The following UGT1A1 variants were observed in gnomAD, a reference collection of about 807,000 sequenced individuals.
UGT1A1 encodes UDP-glucuronosyltransferase 1A1.
Under a neutral mutation model 40.6 loss-of-function variants are expected in UGT1A1, and 33 were observed. The ratio of observed to expected loss-of-function variants is 0.81; its 90% CI spans 0.62 to 1.09. UGT1A1 has a LOEUF of 1.09. Ranked by LOEUF, UGT1A1 falls within the 50% of genes least tolerant of loss-of-function variation. UGT1A1 has a pLI of 0.00. For missense variants in UGT1A1, 694 were observed against 671.2 expected (o/e 1.03, Z -0.38); for synonymous variants, 249 against 265.0 (o/e 0.94, Z 0.59).
Position 233,772,033 on chromosome 2 carries a change from A to C in UGT1A1, c.1305-229A>C, listed in dbSNP as rs33979061. Among the ~76,000 whole-genome samples, 33,182 of 152,170 alleles carry C rather than the reference A, an allele frequency of 0.22. 4,506 individuals carry two copies. Among genetic ancestry groups the C allele is most frequent in the South Asian group, 0.32 (1,549 of 4,822 alleles). On this transcript the variant is annotated intron_variant, in intron 4 of 4. Coordinates refer to ENST00000305208, the MANE Select transcript of UGT1A1 (RefSeq NM_000463.3). ...GAGGCTGAGGCAGGAGGATGGCTTG[A>C]GCCCAGGAGTTGGAGGCTGCAGTTA...
rs267599273 is a variant in UGT1A1, at chr2:233,767,927, G to A, written c.1075G>A (p.Asp359Asn). ...TILVKWLPQN[D>N]LLGHPMTRAF... ...ACTTGTTAAGTGGCTACCCCAAAACGATCTGCTTGGTATGTTGGGCGGATT... is the reference window on the plus strand; with the variant it reads ...ACTTGTTAAGTGGCTACCCCAAAACAATCTGCTTGGTATGTTGGGCGGATT... The change falls in exon 3 of 5, where the codon GAT becomes AAT. Residue 359 changes from aspartate to asparagine, a missense_variant. By Grantham distance (23) the Asp-to-Asn change is conservative (BLOSUM62 1). Coordinates refer to ENST00000305208, the MANE Select transcript of UGT1A1 (RefSeq NM_000463.3). 45 of 1,614,054 alleles carry A rather than the reference G, an allele frequency of 2.8e-5. 1 individual carries two copies. The highest frequency in any genetic ancestry group is 2.2e-4 in the South Asian group (20 of 91,078).
Position 233,760,452 on chromosome 2 carries a change from T to A in UGT1A1, c.165T>A (p.His55Gln), listed in dbSNP as rs1697451536. The A allele has an allele frequency of 6.2e-7, 1 of 1,614,194 alleles. No homozygotes were observed. Among genetic ancestry groups the A allele is most frequent in the Non-Finnish European group, 8.5e-7 (1 of 1,180,038 alleles). Residue 55 changes from histidine to glutamine, a missense_variant, in exon 1 of 5, where the codon CAT becomes CAA. Transcript: ENST00000305208. The stretch of plus-strand genomic sequence containing the variant: ...TCCAGCAGCTGCAGCAGAGGGGACA[T>A]GAAATAGTTGTCCTAGCACCTGACG... ...GAIQQLQQRG[H>Q]EIVVLAPDAS...
At position 233,764,542 on chromosome 2, in the gene UGT1A1, C is replaced by T. The variant is rs34078324; in HGVS notation, c.865-2492C>T. ...CACATCCTGCTGATTGCTGAGTGGGCGTGTGGGAGGGTGTGCCTGGAGGAG... is the reference window on the plus strand; with the variant it reads ...CACATCCTGCTGATTGCTGAGTGGGTGTGTGGGAGGGTGTGCCTGGAGGAG... On this transcript the variant is annotated intron_variant, in intron 1 of 4. Transcript: ENST00000305208. Among the ~76,000 whole-genome samples, 1,361 of 152,150 alleles carry T rather than the reference C, an allele frequency of 8.9e-3. 20 individuals carry two copies. The highest frequency in any genetic ancestry group is 0.032 in the African/African-American group (1,309 of 41,498).
Position 233,769,437 on chromosome 2 carries a change from G to T in UGT1A1, c.1304+998G>T. On this transcript the variant is annotated intron_variant, in intron 4 of 4. Transcript: ENST00000305208. The surrounding 1 kb of genome is among the most constrained non-coding windows in gnomAD (Gnocchi z 4.4). ...TTTGTGCATGTGGCTGTGCTCATGT[G>T]TGGGTGCACACGTGTGCATTCATAT... 1 of 1,560,038 alleles carries T rather than the reference G, an allele frequency of 6.4e-7. No homozygotes were observed. Among genetic ancestry groups the T allele is most frequent in the Non-Finnish European group, 8.8e-7 (1 of 1,136,330 alleles).
Position 233,772,595 on chromosome 2 carries a change from T to C in UGT1A1, c.*36T>C. On this transcript the variant is annotated 3_prime_UTR_variant, in exon 5 of 5. Transcript: ENST00000305208. ...GGAAATAAGGTAAAATTTTGAACCA[T>C]TCCCTAGTCATTTCCAAACTTGAAA... 1 of 1,596,790 alleles carries C rather than the reference T, an allele frequency of 6.3e-7. No homozygotes were observed. Among genetic ancestry groups the C allele is most frequent in the Non-Finnish European group, 8.5e-7 (1 of 1,170,806 alleles).
At position 233,768,743 on chromosome 2, in the gene UGT1A1, C is replaced by T. The variant is rs540797215; in HGVS notation, c.1304+304C>T. Among the ~76,000 whole-genome samples the T allele has an allele frequency of 5.3e-5, 8 of 151,788 alleles. No homozygotes were observed. In the South Asian group the frequency reaches 1.3e-3, roughly 24 times the overall value. On this transcript the variant is annotated intron_variant, in intron 4 of 4. Coordinates refer to ENST00000305208, the MANE Select transcript of UGT1A1 (RefSeq NM_000463.3). ...GATTACAGGTGTCCACCACCACGCC[C>T]GGTTAATTTTTGTATTTTTTAGTAG...
chr2:233,766,884 A>G, intron 1 of UGT1A1, 150 bp from the exon 2 acceptor site: 2 of 1,457,402 alleles, frequency 1.4e-6, no homozygotes, highest in Non-Finnish European at 1.8e-6. Context: ...ATGCTGTAAA[A>G]CTTACATATT....
At chr2:233,765,664 CA>C (rs970582402) in intron 1 of UGT1A1, among the ~76,000 whole-genome samples, 2 of 151,540 alleles carry the variant, frequency 1.3e-5, no homozygotes, top group African/African-American at 4.9e-5. Context: ...AGCAAACCAC[CA>C]TGGCATATGT....
In UGT1A1 at chr2:233,760,861, T is replaced by C. The variant is rs776126400; in HGVS notation, c.574T>C (p.Tyr192His). 1.9e-6 allele frequency: 3 copies of C among 1,614,158 alleles called. No individual in the cohort carries two copies. The South Asian group carries it at 3.3e-5, about 18-fold the overall frequency. ...EATQCPNPFSYVPRPLSSHSD... is the reference protein window; with the variant it reads ...EATQCPNPFSHVPRPLSSHSD... The stretch of plus-strand genomic sequence containing the variant: ...TACCCAGTGCCCCAACCCATTCTCC[T>C]ACGTGCCCAGGCCTCTCTCCTCTCA... The change falls in exon 1 of 5, where the codon TAC (tyrosine) becomes CAC (histidine). Residue 192 changes from tyrosine to histidine, a missense_variant. Tyr to His is a moderately conservative substitution (Grantham distance 83). Coordinates refer to ENST00000305208, the MANE Select transcript of UGT1A1 (RefSeq NM_000463.3).
chr2:233,766,910 T>C (rs960990875), intron 1 of UGT1A1, 124 bp from the exon 2 acceptor site: 6 of 1,519,286 alleles, frequency 3.9e-6, no homozygotes, highest in East Asian at 2.3e-5. Context: ...TTTTTTACTC[T>C]ATCTCAAACA....
In UGT1A1 at chr2:233,767,873, C is replaced by G. The variant is rs72551349; in HGVS notation, c.1021C>G (p.Arg341Gly). ...QTVLWRYTGT[R>G]PSNLANNTIL... is the part of the protein sequence containing the mutation. ...GGTCCTGTGGCGGTACACTGGAACC[C>G]GACCATCGAATCTTGCGAACAACAC... The change falls in exon 3 of 5, where the codon CGA becomes GGA. Residue 341 changes from arginine to glycine, a missense_variant. Arg to Gly is a moderately radical substitution (Grantham distance 125, BLOSUM62 -2). Coordinates refer to ENST00000305208, the MANE Select transcript of UGT1A1 (RefSeq NM_000463.3). 2 of 1,614,156 alleles carry G rather than the reference C, an allele frequency of 1.2e-6. No individual in the cohort carries two copies. The highest frequency in any genetic ancestry group is 1.7e-5 in the Admixed American group (1 of 60,012).
chr2:233,762,007 A>G (rs1297893749), intron 1 of UGT1A1, among the ~76,000 whole-genome samples: 1 of 152,144 alleles, frequency 6.6e-6, no homozygotes, highest in African/African-American at 2.4e-5. Flanking sequence ...CTATACCTCC[A>G]ATGTGATTTG....
intron 1 of UGT1A1, 46 bp downstream of exon 1, chr2:233,761,197 G>T (rs369591851): frequency 8.1e-6 from 13 of 1,614,114 alleles, no homozygotes; most frequent in Non-Finnish European, 1.1e-5. Flanking sequence ...TCTTTCAGAT[G>T]TATTACTTTG....
intron 1 of UGT1A1, among the ~76,000 whole-genome samples, chr2:233,765,833 T>G (rs532731627): frequency 6.6e-6 from 1 of 152,182 alleles, no homozygotes; most frequent in Admixed American, 6.5e-5. Flanking sequence ...ACAGGAAAAC[T>G]TTCCTTGTCC....
rs1430980091 is a variant in UGT1A1 at position 233,768,314 on chromosome 2, G to A, written c.1179G>A (p.Leu393=). ...CNGVPMVMMP[L]FGDQMDNAKR... is the part of the protein sequence containing the mutation. ...GCGTTCCCATGGTGATGATGCCCTTGTTTGGTGATCAGATGGACAATGCAA... is the reference window on the plus strand; with the variant it reads ...GCGTTCCCATGGTGATGATGCCCTTATTTGGTGATCAGATGGACAATGCAA... The change falls in exon 4 of 5, where the codon TTG becomes TTA. Residue 393 remains leucine (L), a synonymous_variant. Transcript: ENST00000305208. 1.9e-5 allele frequency: 31 copies of A among 1,614,180 alleles called. No homozygotes were observed. Among genetic ancestry groups the A allele is most frequent in the Non-Finnish European group, 2.6e-5 (31 of 1,180,040 alleles).
intron 1 of UGT1A1, among the ~76,000 whole-genome samples, chr2:233,761,633 C>A (rs1697819960): frequency 6.6e-6 from 1 of 152,236 alleles, no homozygotes; most frequent in Non-Finnish European, 1.5e-5. Context: ...CTAAATCCTG[C>A]AGTCCGTTCT....
At position 233,768,369 on chromosome 2, in the gene UGT1A1, A is replaced by T. The variant is rs1156645272; in HGVS notation, c.1234A>T (p.Thr412Ser). 8.1e-6 allele frequency: 13 copies of T among 1,614,034 alleles called. No homozygotes were observed. The South Asian group carries it at 1.1e-4, about 14-fold the overall frequency. Residue 412 changes from threonine to serine, a missense_variant, in exon 4 of 5, where the codon ACC (threonine) becomes TCC (serine). Thr to Ser is a moderately conservative substitution (Grantham distance 58). Coordinates refer to ENST00000305208, the MANE Select transcript of UGT1A1 (RefSeq NM_000463.3). ...CATGGAGACTAAGGGAGCTGGAGTG[A>T]CCCTGAATGTTCTGGAAATGACTTC... Reference protein sequence around the residue: ...KRMETKGAGVTLNVLEMTSED... With the variant: ...KRMETKGAGVSLNVLEMTSED...
At chr2:233,766,684 A>G (rs935932983) in intron 1 of UGT1A1, among the ~76,000 whole-genome samples, 1 of 152,094 alleles carries the variant, frequency 6.6e-6, no homozygotes, top group Non-Finnish European at 1.5e-5. Flanking sequence ...TCCCTTCTGT[A>G]TCACTGATGC....
At chr2:233,770,387 C>CT (rs1226328342) in intron 4 of UGT1A1, 1 of 152,208 alleles carries the variant, frequency 6.6e-6, no homozygotes, top group Non-Finnish European at 1.5e-5. Flanking sequence ...GGTACGGTGG[C>CT]TCATGCCTGT....
Sources: gnomAD v4.1 joint callset for allele counts (sites outside exome capture counted in the v4.1 genomes callset) on GRCh38, gnomAD v4.1.1 for gene constraint, Gnocchi (gnomAD v3.1) non-coding constraint, MANE v1.5 for transcripts, NCBI Gene and HGNC (gene_info 2026-07-23, HGNC 2026-07-21) for gene names.